PDE8B: variants seen among roughly 807,000 people sequenced by gnomAD.
The protein encoded by PDE8B is high affinity cAMP-specific and IBMX-insensitive 3',5'-cyclic phosphodiesterase 8B.
PDE8B carries 26 observed loss-of-function variants against 101.3 expected under a neutral mutation model. The observed-to-expected ratio is 0.26, with a 90% CI of 0.19 to 0.36. PDE8B has a LOEUF of 0.36. Among genes scored for constraint, PDE8B ranks in the 10% least tolerant of loss-of-function variants. The pLI is 1.00. For synonymous variants in PDE8B, 424 were observed against 429.3 expected, an observed-to-expected ratio of 0.99 and a Z score of 0.15; for missense variants, 810 against 1,163.1, an observed-to-expected ratio of 0.70 and a Z score of 4.42.
chr5:77,415,234 A>T (rs145798550), intron 17 of PDE8B, among the ~76,000 whole-genome samples: 42 of 151,774 alleles, frequency 2.8e-4, no homozygotes, highest in African/African-American at 7.5e-4. Context: ...TTCCAGAAAG[A>T]TTTACTCCTG....
intron 1 of PDE8B, among the ~76,000 whole-genome samples, chr5:77,238,815 T>C (rs1755192221): frequency 6.6e-6 from 1 of 152,206 alleles, no homozygotes; most frequent in African/African-American, 2.4e-5. Context: ...GGAGCACTGA[T>C]GGCCAAGGGC....
At chr5:77,390,663 C>T (rs913054354) in intron 10 of PDE8B, among the ~76,000 whole-genome samples, 4 of 152,200 alleles carry the variant, frequency 2.6e-5, no homozygotes, top group African/African-American at 7.2e-5. Context: ...GATACTCACA[C>T]GTCCCCCCAA....
At chr5:77,393,740 T>C (rs1790440337) in intron 10 of PDE8B, among the ~76,000 whole-genome samples, 1 of 152,208 alleles carries the variant, frequency 6.6e-6, no homozygotes, top group Non-Finnish European at 1.5e-5. Context: ...CATTAGACTA[T>C]GCTTGTAATA....
intron 1 of PDE8B, among the ~76,000 whole-genome samples, chr5:77,307,702 C>T (rs755540374): frequency 2.0e-5 from 3 of 152,018 alleles, no homozygotes; most frequent in Non-Finnish European, 2.9e-5. Flanking sequence ...TGACACACTA[C>T]GAATGTTATA....
the PDE8B span, among the ~76,000 whole-genome samples, chr5:77,149,697 G>A: frequency 3.3e-5 from 5 of 152,192 alleles, no homozygotes; most frequent in South Asian, 1.0e-3. Flanking sequence ...TTAAAATACT[G>A]ATCTTAGATC....
At chr5:77,291,337 C>T (rs745906442) in intron 1 of PDE8B, 55 of 1,612,368 alleles carry the variant, frequency 3.4e-5, no homozygotes, top group Middle Eastern at 3.8e-4. Flanking sequence ...CTTGGAGCAG[C>T]GGAAGAAGCA....
chr5:77,422,635 T>A (rs887594514), intron 20 of PDE8B, among the ~76,000 whole-genome samples: 4 of 152,050 alleles, frequency 2.6e-5, no homozygotes, highest in Non-Finnish European at 5.9e-5. Context: ...TGTAGAGAGT[T>A]AAAGGAGAGA....
chr5:77,381,343 G>T (rs1581371497), intron 10 of PDE8B, among the ~76,000 whole-genome samples: 1 of 152,322 alleles, frequency 6.6e-6, no homozygotes, highest in Middle Eastern at 3.4e-3. Context: ...TGATGGACTG[G>T]CTCTGGGGAG....
chr5:77,131,619 C>G, the PDE8B span, among the ~76,000 whole-genome samples: 1 of 152,258 alleles, frequency 6.6e-6, no homozygotes, highest in East Asian at 1.9e-4. Flanking sequence ...TTTTGGTGAG[C>G]TTGACATTTT....
rs556252818 is a variant in PDE8B at position 77,331,641 on chromosome 5, T to C, written c.708+182T>C. Among the ~76,000 whole-genome samples, 10 of 152,350 alleles carry C rather than the reference T, an allele frequency of 6.6e-5. No homozygotes were observed. The South Asian group carries it at 1.2e-3, about 19-fold the overall frequency. On this transcript the variant is annotated intron_variant, in intron 5 of 21. Transcript: ENST00000264917. The stretch of plus-strand genomic sequence containing the variant: ...ACGAGCAGCTGCCAGTCGAGCTCTT[T>C]GCGTTTTTGCTCTCTGGGTTATTTC...
In PDE8B at chr5:77,329,042, CAGTGGTTTCGCG is replaced by C; in HGVS notation, c.640_650+1del. 1 of 1,613,826 alleles carries C rather than the reference CAGTGGTTTCGCG, an allele frequency of 6.2e-7. No individual in the cohort carries two copies. The highest frequency in any genetic ancestry group is 8.5e-7 in the Non-Finnish European group (1 of 1,179,742). On this transcript the variant is annotated inframe_deletion, in exon 4 of 22. Transcript: ENST00000264917. ...CCCTCCGAGCACACGGTGATCCTCG[CAGTGGTTTCGCG>C]AGTGTAAGTGCACCTCCCATTCCCA...
intron 17 of PDE8B, among the ~76,000 whole-genome samples, chr5:77,415,874 C>CTA (rs1297111619): frequency 1.3e-5 from 2 of 152,168 alleles, no homozygotes; most frequent in Admixed American, 6.5e-5. Context: ...GAATAAGAAA[C>CTA]TATTTGAAAG....
At chr5:77,297,134 C>T (rs974858981) in intron 1 of PDE8B, among the ~76,000 whole-genome samples, 5 of 152,144 alleles carry the variant, frequency 3.3e-5, no homozygotes, top group South Asian at 2.1e-4. Flanking sequence ...AGAAAGCAAG[C>T]GGAATTCATC....
At chr5:77,208,265 A>T (rs556512682), upstream of PDE8B, among the ~76,000 whole-genome samples, 1 of 152,226 alleles carries the variant, frequency 6.6e-6, no homozygotes, top group African/African-American at 2.4e-5. Flanking sequence ...GGGTGGTTTC[A>T]TTGCATTCCT....
chr5:77,297,644 C>T (rs1202871434), intron 1 of PDE8B, among the ~76,000 whole-genome samples: 2 of 152,188 alleles, frequency 1.3e-5, no homozygotes, highest in Admixed American at 1.3e-4. Flanking sequence ...TACAATCCAG[C>T]TATGCTACAC....
In PDE8B at chr5:77,413,177, T is replaced by C; in HGVS notation, c.1779T>C (p.Ser593=). ...GAGTATGTGAATTTTTAAACTGTTC[T>C]GAAACCACTCTTCGGGCCTGGTTCC... ...RFGVCEFLNC[S]ETTLRAWFQV... Residue 593 remains serine, a synonymous_variant, in exon 17 of 22, where the codon TCT becomes TCC. Coordinates refer to ENST00000264917, the MANE Select transcript of PDE8B (RefSeq NM_003719.5). The C allele has an allele frequency of 6.2e-7, 1 of 1,614,116 alleles. No homozygotes were observed. Among genetic ancestry groups the C allele is most frequent in the Non-Finnish European group, 8.5e-7 (1 of 1,179,984 alleles).
At chr5:77,352,804 G>A (rs1168903968) in intron 9 of PDE8B, among the ~76,000 whole-genome samples, 1 of 152,162 alleles carries the variant, frequency 6.6e-6, no homozygotes, top group African/African-American at 2.4e-5. Flanking sequence ...TTTTCCTTGT[G>A]ACAGTGATAA....
chr5:77,367,537 T>C (rs1204417473), intron 10 of PDE8B, among the ~76,000 whole-genome samples: 17 of 147,422 alleles, frequency 1.2e-4, no homozygotes, highest in Non-Finnish European at 1.8e-4. Context: ...TCTCTTTTTT[T>C]TTTTTTTTTT....
At chr5:77,134,087 G>A in the PDE8B span, among the ~76,000 whole-genome samples, 1 of 152,180 alleles carries the variant, frequency 6.6e-6, no homozygotes, top group Admixed American at 6.5e-5. Flanking sequence ...CATCGCAAAG[G>A]AGGCTTGGGA....
Sources: gnomAD v4.1 joint callset for allele counts (sites outside exome capture counted in the v4.1 genomes callset) on GRCh38, gnomAD v4.1.1 for gene constraint, MANE v1.5 for transcripts, NCBI Gene and HGNC (gene_info 2026-07-23, HGNC 2026-07-21) for gene names.